PPM1B: variants seen among roughly 807,000 people sequenced by gnomAD.
The protein encoded by PPM1B is protein phosphatase, Mg2+/Mn2+ dependent 1B.
In PPM1B, 22 loss-of-function variants were observed where a neutral mutation model predicts 43.0. That is an observed-to-expected ratio of 0.51 (90% CI 0.37 to 0.73). The LOEUF (loss-of-function observed/expected upper bound fraction) is 0.73, where lower values mean the gene tolerates loss of function less well. PPM1B is among the 30% of genes least tolerant of loss of function. PPM1B has a pLI of 0.00. For synonymous variants in PPM1B, 217 were observed against 197.9 expected, an observed-to-expected ratio of 1.10 and a Z score of -0.81; for missense variants, 632 against 584.2, an observed-to-expected ratio of 1.08 and a Z score of -0.84.
chr2:44,183,187 C>A (rs1336316344), intron 1 of PPM1B, among the ~76,000 whole-genome samples: 1 of 152,122 alleles, frequency 6.6e-6, no homozygotes, highest in African/African-American at 2.4e-5. Flanking sequence ...GGGAATAATA[C>A]CTTTGTTGTT....
intron 3 of PPM1B, among the ~76,000 whole-genome samples, chr2:44,210,513 G>A (rs181973484): frequency 6.6e-5 from 10 of 152,172 alleles, no homozygotes; most frequent in African/African-American, 2.2e-4. Flanking sequence ...AGCCAGCACA[G>A]CCAGCCTAAT....
chr2:44,174,461 T>C (rs1416573993), intron 1 of PPM1B, among the ~76,000 whole-genome samples: 1 of 152,214 alleles, frequency 6.6e-6, no homozygotes, highest in Non-Finnish European at 1.5e-5. Flanking sequence ...CTACGTAGAA[T>C]GGCCTTCACT....
In PPM1B at chr2:44,218,068, C is replaced by A; in HGVS notation, c.1066C>A (p.Leu356Ile). The A allele has an allele frequency of 1.2e-6, 2 of 1,610,022 alleles. No homozygotes were observed. The highest frequency in any genetic ancestry group is 1.3e-5 in the African/African-American group (1 of 74,776). The stretch of plus-strand genomic sequence containing the variant: ...CCCAAATTTGCCTCCTGGGGGAGGT[C>A]TTGCTGGCAAGTAAGTAGAACAAAA... Reference protein sequence around the residue: ...NIPNLPPGGGLAGKRNVIEAV... With the variant: ...NIPNLPPGGGIAGKRNVIEAV... Residue 356 changes from leucine to isoleucine, a missense_variant, in exon 4 of 6, where the codon CTT (leucine) becomes ATT (isoleucine). Transcript: ENST00000282412.
At chr2:44,188,393 C>CTTTTTTTTTTTTTTTTT (rs67959948) in intron 1 of PPM1B, among the ~76,000 whole-genome samples, 1 of 92,316 alleles carries the variant, frequency 1.1e-5, no homozygotes, top group African/African-American at 4.5e-5. Context: ...TTCTTTCTTT[C>CTTTTTTTTTTTTTTTTT]TTTTTTTTTT....
chr2:44,226,356 G>A (rs1271608254), intron 5 of PPM1B, among the ~76,000 whole-genome samples: 3 of 152,142 alleles, frequency 2.0e-5, no homozygotes, highest in African/African-American at 7.2e-5. Context: ...GATTAATAAT[G>A]TAAGTGTCAG....
intron 3 of PPM1B, among the ~76,000 whole-genome samples, chr2:44,211,923 A>G (rs1669488639): frequency 1.3e-5 from 2 of 151,784 alleles, no homozygotes; most frequent in South Asian, 4.2e-4. Flanking sequence ...CCAATTTTGT[A>G]TGTTTAGTAG....
chr2:44,224,118 T>C (rs1157372969), intron 5 of PPM1B, among the ~76,000 whole-genome samples: 1 of 152,160 alleles, frequency 6.6e-6, no homozygotes, highest in Non-Finnish European at 1.5e-5. Flanking sequence ...ACATTTTTAC[T>C]AGTGTTTACT....
chr2:44,226,682 GATTTTGTTTTAATGTCCTGTA>G (rs1670223482), intron 5 of PPM1B, among the ~76,000 whole-genome samples: 1 of 142,016 alleles, frequency 7.0e-6, no homozygotes, highest in Non-Finnish European at 1.5e-5. Flanking sequence ...CTTTGAAGCA[GATTTTGTTTTAATGTCCTGTA>G]ATTTTTTTTT....
In PPM1B at chr2:44,201,877, T is replaced by G. The variant is rs1466194280; in HGVS notation, c.678T>G (p.Val226=). Residue 226 remains valine (V), a synonymous_variant, in exon 2 of 6, where the codon GTT becomes GTG. Transcript: ENST00000282412. The surrounding 1 kb of genome is among the most constrained non-coding windows in gnomAD (Gnocchi z 5.4). ...TEQLVSPEPE[V]YEILRAEEDE... ...AACTTGTTTCTCCAGAGCCTGAGGT[T>G]TATGAAATTTTAAGAGCAGAAGAGG... The G allele has an allele frequency of 6.2e-7, 1 of 1,614,050 alleles. No individual in the cohort carries two copies. Among genetic ancestry groups the G allele is most frequent in the African/African-American group, 1.3e-5 (1 of 74,926 alleles).
At position 44,230,916 on chromosome 2, in the gene PPM1B, G is replaced by A. The variant is rs1489762210; in HGVS notation, c.*198G>A. 3 of 1,213,316 alleles carry A rather than the reference G, an allele frequency of 2.5e-6. No individual in the cohort carries two copies. The highest frequency in any genetic ancestry group is 3.1e-6 in the Non-Finnish European group (3 of 958,562). 75.2% of individuals were successfully genotyped at this position (1,213,316 alleles called of 1,614,324 possible). On this transcript the variant is annotated 3_prime_UTR_variant, in exon 6 of 6. Coordinates refer to ENST00000282412, the MANE Select transcript of PPM1B (RefSeq NM_002706.6). ...AAAATTGACTATTTATAGTACTATG[G>A]ATTTAATGAAATTATATGTCATTTC...
At chr2:44,178,570 C>T (rs768392011) in intron 1 of PPM1B, among the ~76,000 whole-genome samples, 93 of 151,566 alleles carry the variant, frequency 6.1e-4, no homozygotes, top group Non-Finnish European at 1.1e-3. Flanking sequence ...TGGGTTCAAG[C>T]GATACTCCTG....
downstream of PPM1B, chr2:44,234,755 C>T (rs539496890): frequency 1.3e-3 from 313 of 245,288 alleles, 3 homozygotes; most frequent in Middle Eastern, 2.1e-3. Context: ...TCGATATTTA[C>T]TATATTAGAA....
Position 44,201,191 on chromosome 2 carries a change from T to C in PPM1B, c.-9T>C, listed in dbSNP as rs961998409. 4.5e-6 allele frequency: 7 copies of C among 1,571,906 alleles called. No individual in the cohort carries two copies. In the African/African-American group the frequency reaches 5.5e-5, roughly 12 times the overall value. ...ACCTGCATTTTTTATTTCAGATTTA[T>C]TGCTAAACATGGGTGCATTTTTGGA... On this transcript the variant is annotated 5_prime_UTR_variant, in exon 2 of 6. Transcript: ENST00000282412. The surrounding 1 kb of genome is among the most constrained non-coding windows in gnomAD (Gnocchi z 5.4).
At chr2:44,171,318 G>A (rs559819820) in intron 1 of PPM1B, among the ~76,000 whole-genome samples, 1 of 152,314 alleles carries the variant, frequency 6.6e-6, no homozygotes, top group South Asian at 2.1e-4. Flanking sequence ...TCATCTGAAG[G>A]AATAGTGTAG....
chr2:44,234,657 T>C, downstream of PPM1B: 3 of 980,298 alleles, frequency 3.1e-6, no homozygotes, highest in South Asian at 1.4e-4. Context: ...TTTCCTAGCC[T>C]GGCTATTCTC....
downstream of PPM1B, chr2:44,234,473 C>G: frequency 6.1e-6 from 5 of 821,932 alleles, no homozygotes; most frequent in Non-Finnish European, 7.3e-6. Flanking sequence ...GAGCTAAGAT[C>G]GCGCCACTGC....
At chr2:44,211,583 T>C (rs1353879971) in intron 3 of PPM1B, among the ~76,000 whole-genome samples, 1 of 98,742 alleles carries the variant, frequency 1.0e-5, no homozygotes, top group Admixed American at 1.2e-4. Context: ...TAATAAGTAT[T>C]TAATAAATAT....
intron 3 of PPM1B, among the ~76,000 whole-genome samples, chr2:44,212,133 C>CA (rs1251159645): frequency 3.3e-5 from 5 of 152,172 alleles, no homozygotes; most frequent in African/African-American, 4.8e-5. Flanking sequence ...AGCACAGACT[C>CA]ACGGATTCCT....
At position 44,201,408 on chromosome 2, in the gene PPM1B, A is replaced by G; in HGVS notation, c.209A>G (p.Tyr70Cys). The G allele has an allele frequency of 6.2e-7, 1 of 1,614,150 alleles. No homozygotes were observed. Among genetic ancestry groups the G allele is most frequent in the Non-Finnish European group, 8.5e-7 (1 of 1,180,010 alleles). Residue 70 changes from tyrosine to cysteine, a missense_variant, in exon 2 of 6, where the codon TAC becomes TGC. Coordinates refer to ENST00000282412, the MANE Select transcript of PPM1B (RefSeq NM_002706.6). The surrounding 1 kb of genome is among the most constrained non-coding windows in gnomAD (Gnocchi z 5.4). ...DGHAGSRVAN[Y>C]CSTHLLEHIT... Reference sequence around the variant, plus strand: ...CATGCTGGATCCCGAGTGGCAAATTACTGCTCAACACATTTATTAGAACAC... The same window carrying G: ...CATGCTGGATCCCGAGTGGCAAATTGCTGCTCAACACATTTATTAGAACAC...
Sources: allele counts gnomAD v4.1 joint callset (sites outside exome capture counted in the v4.1 genomes callset), GRCh38; gene constraint gnomAD v4.1.1; non-coding constraint Gnocchi (gnomAD v3.1); transcripts MANE v1.5; gene names NCBI Gene and HGNC (gene_info 2026-07-23, HGNC 2026-07-21).